TMEFF2: variants seen among roughly 807,000 people sequenced by gnomAD.
The protein encoded by TMEFF2 is transmembrane protein with EGF like and two follistatin like domains 2.
Under a neutral mutation model 53.8 loss-of-function variants are expected in TMEFF2, and 28 were observed. That is an observed-to-expected ratio of 0.52 (90% CI 0.39 to 0.71). The LOEUF (loss-of-function observed/expected upper bound fraction) is 0.71. Ranked by LOEUF, TMEFF2 falls within the 30% of genes least tolerant of loss-of-function variation. TMEFF2 has a pLI of 0.00. For missense variants in TMEFF2, 353 were observed against 455.2 expected, an observed-to-expected ratio of 0.78 and a Z score of 2.04; for synonymous variants, 162 against 166.3, an observed-to-expected ratio of 0.97 and a Z score of 0.20.
chr2:192,051,230 G>GATTT (rs375876597), intron 5 of TMEFF2, among the ~76,000 whole-genome samples: 7 of 145,604 alleles, frequency 4.8e-5, no homozygotes, highest in Admixed American at 4.8e-4. Flanking sequence ...TTTTTTCTGG[G>GATTT]TTTTTTTTTT....
At chr2:191,980,133 C>T (rs1385067277) in intron 7 of TMEFF2, among the ~76,000 whole-genome samples, 3 of 152,070 alleles carry the variant, frequency 2.0e-5, no homozygotes, top group Non-Finnish European at 4.4e-5. Flanking sequence ...AATTCCCTGC[C>T]CTCATGGAGT....
intron 5 of TMEFF2, chr2:192,036,753 T>C (rs535035591): frequency 6.6e-6 from 1 of 152,358 alleles, no homozygotes; most frequent in South Asian, 2.1e-4. Context: ...CTTGCGCCTT[T>C]GGACCAGAGG....
chr2:192,059,357 T>C (rs935961486), intron 4 of TMEFF2, among the ~76,000 whole-genome samples: 1 of 152,094 alleles, frequency 6.6e-6, no homozygotes, highest in African/African-American at 2.4e-5. Flanking sequence ...TTCACTCTAT[T>C]ACTTTAATAT....
intron 5 of TMEFF2, among the ~76,000 whole-genome samples, chr2:192,018,498 C>T (rs1223605009): frequency 6.6e-6 from 1 of 151,882 alleles, no homozygotes; most frequent in African/African-American, 2.4e-5. Context: ...ATTTTCTTCC[C>T]CTCATTTTAT....
At chr2:192,178,456 C>T (rs1185373360) in intron 4 of TMEFF2, 1 of 150,684 alleles carries the variant, frequency 6.6e-6, no homozygotes, top group East Asian at 1.9e-4. Flanking sequence ...AAGGACTGTC[C>T]AACATCATGG....
At chr2:192,184,079 A>AC (rs756885426) in intron 3 of TMEFF2, among the ~76,000 whole-genome samples, 10 of 152,094 alleles carry the variant, frequency 6.6e-5, no homozygotes, top group Non-Finnish European at 1.3e-4. Flanking sequence ...TTCTAATTAT[A>AC]TGTGGCTTTT....
chr2:192,077,104 T>C (rs1273771414), intron 4 of TMEFF2, among the ~76,000 whole-genome samples: 4 of 152,150 alleles, frequency 2.6e-5, no homozygotes, highest in Admixed American at 2.0e-4. Context: ...TATATGCAAG[T>C]AAGGCAGCTA....
intron 7 of TMEFF2, among the ~76,000 whole-genome samples, chr2:191,984,431 A>C (rs1297058876): frequency 6.6e-6 from 1 of 152,110 alleles, no homozygotes; most frequent in African/African-American, 2.4e-5. Flanking sequence ...TACAACGTAA[A>C]ATCCTTCCTT....
chr2:192,161,089 A>G (rs560421604), intron 4 of TMEFF2, among the ~76,000 whole-genome samples: 2 of 152,062 alleles, frequency 1.3e-5, no homozygotes, highest in Non-Finnish European at 2.9e-5. Context: ...TTCCCATGTC[A>G]TCTCCTATTC....
At chr2:192,113,087 T>A in intron 4 of TMEFF2, among the ~76,000 whole-genome samples, 1 of 152,228 alleles carries the variant, frequency 6.6e-6, no homozygotes, top group Non-Finnish European at 1.5e-5. Flanking sequence ...ATATTTCAAG[T>A]GTTTTAACAT....
intron 8 of TMEFF2, among the ~76,000 whole-genome samples, chr2:191,954,900 A>T (rs1294135510): frequency 6.6e-6 from 1 of 152,112 alleles, no homozygotes. Context: ...GAGGATCAAC[A>T]TATCATTGAT....
intron 5 of TMEFF2, among the ~76,000 whole-genome samples, chr2:192,039,556 A>G (rs1687422719): frequency 6.6e-6 from 1 of 152,228 alleles, no homozygotes; most frequent in Non-Finnish European, 1.5e-5. Context: ...AGTAAAATAA[A>G]ATATTTACAG....
chr2:192,082,990 T>C (rs1245435156), intron 4 of TMEFF2, among the ~76,000 whole-genome samples: 1 of 151,934 alleles, frequency 6.6e-6, no homozygotes, highest in Non-Finnish European at 1.5e-5. Flanking sequence ...ACATGGTCTT[T>C]TGATTACCTC....
chr2:192,003,264 G>T (rs1285327915), intron 5 of TMEFF2, among the ~76,000 whole-genome samples: 1 of 152,126 alleles, frequency 6.6e-6, no homozygotes, highest in African/African-American at 2.4e-5. Flanking sequence ...ACTTGGAGAA[G>T]TCTCACAGCT....
chr2:192,098,003 C>T (rs9808002), intron 4 of TMEFF2, among the ~76,000 whole-genome samples: 10,399 of 151,816 alleles, frequency 0.068, 762 homozygotes, highest in African/African-American at 0.18. Flanking sequence ...AATTAATTTG[C>T]CACAATTAAC....
intron 4 of TMEFF2, among the ~76,000 whole-genome samples, chr2:192,146,442 T>C (rs1357502113): frequency 6.6e-6 from 1 of 152,072 alleles, no homozygotes; most frequent in Non-Finnish European, 1.5e-5. Context: ...ACATTGGCTT[T>C]AAGTGATAAT....
chr2:192,179,465 T>A, intron 4 of TMEFF2: 1 of 423,638 alleles, frequency 2.4e-6, no homozygotes, highest in South Asian at 1.0e-4. Context: ...TAACTGGAGA[T>A]AGAGTATGAT....
intron 5 of TMEFF2, among the ~76,000 whole-genome samples, chr2:192,004,299 A>T (rs1314576084): frequency 6.6e-6 from 1 of 152,244 alleles, no homozygotes; most frequent in African/African-American, 2.4e-5. Flanking sequence ...AACAGGAAAC[A>T]AACAGTTAGT....
At chr2:191,995,936 G>A (rs1472080867) in intron 7 of TMEFF2, among the ~76,000 whole-genome samples, 1 of 151,622 alleles carries the variant, frequency 6.6e-6, no homozygotes, top group African/African-American at 2.4e-5. Flanking sequence ...GAAGATCCTG[G>A]ACTACAATGA....
Sources: allele counts gnomAD v4.1 joint callset (sites outside exome capture counted in the v4.1 genomes callset), GRCh38; gene constraint gnomAD v4.1.1; transcripts MANE v1.5; gene names NCBI Gene and HGNC (gene_info 2026-07-23, HGNC 2026-07-21).